Variants in PRDM11 observed in about 807,000 individuals in gnomAD.
PRDM11 encodes PR domain-containing protein 11.
PRDM11 carries 20 observed loss-of-function variants against 97.8 expected under a neutral mutation model. That is an observed-to-expected ratio of 0.20 (90% CI 0.14 to 0.30). PRDM11 has a LOEUF of 0.30. Among genes scored for constraint, PRDM11 ranks in the 10% least tolerant of loss-of-function variants. The probability of loss-of-function intolerance (pLI) is 1.00; values close to 1 mark genes in which losing one functional copy is unlikely to be tolerated. For synonymous variants in PRDM11, 599 were observed against 637.7 expected, an observed-to-expected ratio of 0.94 and a Z score of 0.91; for missense variants, 1,139 against 1,555.2, an observed-to-expected ratio of 0.73 and a Z score of 4.50.
intron 1 of PRDM11, among the ~76,000 whole-genome samples, chr11:45,170,615 C>CTG (rs57885338): frequency 0.91 from 137,994 of 152,132 alleles, 63,442 homozygotes; most frequent in Non-Finnish European, 0.98. Flanking sequence ...GTGGAACAAA[C>CTG]TGTCAGGCCA....
intron 5 of PRDM11, among the ~76,000 whole-genome samples, chr11:45,218,265 G>C (rs1854014704): frequency 6.6e-6 from 1 of 152,034 alleles, no homozygotes; most frequent in African/African-American, 2.4e-5. Context: ...GAGCCATATT[G>C]CCAAATTGTT....
rs558562362 is a variant in PRDM11 at position 45,111,601 on chromosome 11, T to A, written c.96+15700T>A. On this transcript the variant is annotated intron_variant, in intron 1 of 6. Coordinates refer to the PRDM11 transcript ENST00000530656. ...ATGAGGTGACCAGTAGAAGGTATGG[T>A]TCCTCCCACATCCACAATAACAGGG... Among the ~76,000 whole-genome samples the A allele has an allele frequency of 1.8e-3, 274 of 152,196 alleles. 2 individuals are homozygous for A. The highest frequency in any genetic ancestry group is 2.7e-3 in the Non-Finnish European group (184 of 68,008).
intron 1 of PRDM11, among the ~76,000 whole-genome samples, chr11:45,116,843 G>A (rs1852313640): frequency 6.6e-6 from 1 of 152,128 alleles, no homozygotes; most frequent in Non-Finnish European, 1.5e-5. Context: ...TGTAGCTCTA[G>A]AAAGTAGGGA....
chr11:45,155,237 A>G (rs1348192046), intron 1 of PRDM11, among the ~76,000 whole-genome samples: 2 of 152,230 alleles, frequency 1.3e-5, no homozygotes, highest in Non-Finnish European at 2.9e-5. Flanking sequence ...CCCAAGGGAA[A>G]GGGGTGAGGG....
chr11:45,175,558 C>G (rs576465895), intron 1 of PRDM11, among the ~76,000 whole-genome samples: 2 of 152,164 alleles, frequency 1.3e-5, no homozygotes, highest in Non-Finnish European at 2.9e-5. Flanking sequence ...ATAGCAATTT[C>G]CCCCATTTTG....
At chr11:45,119,503 G>C (rs930421036) in intron 1 of PRDM11, among the ~76,000 whole-genome samples, 1 of 151,674 alleles carries the variant, frequency 6.6e-6, no homozygotes. Flanking sequence ...GGTGGAGGGC[G>C]CCTGTAGTCC....
intron 1 of PRDM11, among the ~76,000 whole-genome samples, chr11:45,124,626 T>C (rs1052857221): frequency 3.3e-5 from 5 of 152,242 alleles, no homozygotes; most frequent in African/African-American, 1.2e-4. Flanking sequence ...GTTCTGTTTA[T>C]ATGCTGGATT....
rs1554976394 is a variant in PRDM11 at position 45,228,265 on chromosome 11, T to TTATATTATATTATA, written c.*111_*112insTATATTATATATAT. The TTATATTATATTATA allele has an allele frequency of 1.7e-5, 2 of 118,830 alleles. No homozygotes were observed. Among genetic ancestry groups the TTATATTATATTATA allele is most frequent in the Non-Finnish European group, 2.8e-5 (2 of 71,090 alleles). 7.4% of individuals were successfully genotyped at this position (118,830 alleles called of 1,614,324 possible). ...ATATATTATATTATATTATATTATA[T>TTATATTATATTATA]TATATATATATATATATATAAACTC... On this transcript the variant is annotated 3_prime_UTR_variant, in exon 8 of 8. Transcript: ENST00000683152.
At chr11:45,148,926 A>G (rs919785839) in intron 1 of PRDM11, among the ~76,000 whole-genome samples, 1 of 151,966 alleles carries the variant, frequency 6.6e-6, no homozygotes, top group Admixed American at 6.5e-5. Flanking sequence ...AGGTGTCCAT[A>G]ATCTTCCTCT....
intron 1 of PRDM11, among the ~76,000 whole-genome samples, chr11:45,154,303 C>T (rs1851734533): frequency 6.6e-6 from 1 of 152,170 alleles, no homozygotes; most frequent in African/African-American, 2.4e-5. Context: ...CTGTGATGAG[C>T]TGAGATCGCA....
chr11:45,196,995 A>G (rs1305933348), intron 4 of PRDM11, among the ~76,000 whole-genome samples: 1 of 152,218 alleles, frequency 6.6e-6, no homozygotes, highest in African/African-American at 2.4e-5. Context: ...CCTAGTACTT[A>G]GCATGTGATG....
chr11:45,118,106 A>G lies in PRDM11; in HGVS notation c.96+22205A>G, dbSNP rs539649736. Reference sequence around the variant, plus strand: ...GCCAGAACACCTCAAAACTATCAAGATCATGAAAAAAAGAGAAGGAAAAGA... The same window carrying G: ...GCCAGAACACCTCAAAACTATCAAGGTCATGAAAAAAAGAGAAGGAAAAGA... On this transcript the variant is annotated intron_variant, in intron 1 of 6. Transcript: ENST00000530656. 4.6e-5 allele frequency among the ~76,000 whole-genome samples: 7 copies of G among 152,330 alleles called. No individual in the cohort carries two copies. The South Asian group carries it at 1.4e-3, about 32-fold the overall frequency.
intron 1 of PRDM11, among the ~76,000 whole-genome samples, chr11:45,127,814 C>T (rs758339430): frequency 1.3e-4 from 20 of 152,338 alleles, no homozygotes; most frequent in African/African-American, 3.4e-4. Context: ...ACCCACTTGA[C>T]GAGGCAGTCT....
At chr11:45,118,305 A>G (rs1250288493) in intron 1 of PRDM11, among the ~76,000 whole-genome samples, 1 of 152,224 alleles carries the variant, frequency 6.6e-6, no homozygotes, top group Non-Finnish European at 1.5e-5. Context: ...ATGTATCAAA[A>G]TATTGTTTGA....
intron 2 of PRDM11, 90 bp from the exon 3 acceptor site, chr11:45,182,156 C>G (rs1281664781): frequency 8.6e-7 from 1 of 1,165,810 alleles, no homozygotes; most frequent in Non-Finnish European, 1.2e-6. Context: ...TCTTCTCGGT[C>G]TCCTGGCCAG....
intron 5 of PRDM11, among the ~76,000 whole-genome samples, chr11:45,207,559 A>G (rs1853563182): frequency 1.3e-5 from 2 of 152,180 alleles, no homozygotes; most frequent in South Asian, 2.1e-4. Flanking sequence ...TCTAGCCCCA[A>G]CTGCCAATAG....
rs1447739721 is a variant in PRDM11 at position 45,219,850 on chromosome 11, C to G, written c.742+93C>G. The G allele has an allele frequency of 1.4e-6, 2 of 1,384,280 alleles. No homozygotes were observed. The highest frequency in any genetic ancestry group is 2.9e-5 in the African/African-American group (2 of 69,210). 85.7% of individuals were successfully genotyped at this position (1,384,280 alleles called of 1,614,324 possible). On this transcript the variant is annotated intron_variant, in intron 6 of 7. Transcript: ENST00000683152. This position sits in a 1 kb window ranked among gnomAD's most constrained non-coding sequence, Gnocchi z 4.2. The stretch of plus-strand genomic sequence containing the variant: ...TTGGAGCTTCCTGAGAAATACGGTT[C>G]CCAGCAATGGGAAGACCCAGAGTGA...
chr11:45,197,927 G>A (rs982814295), intron 4 of PRDM11, among the ~76,000 whole-genome samples: 10 of 152,084 alleles, frequency 6.6e-5, no homozygotes, highest in South Asian at 6.2e-4. Flanking sequence ...TGTAAATGAC[G>A]AGTTAACGGG....
intron 1 of PRDM11, among the ~76,000 whole-genome samples, chr11:45,130,565 G>A (rs961365925): frequency 1.3e-5 from 2 of 152,060 alleles, no homozygotes; most frequent in East Asian, 1.9e-4. Context: ...ATTAAGTGTT[G>A]GCAAGAACGT....
Sources: gnomAD v4.1 joint callset for allele counts (sites outside exome capture counted in the v4.1 genomes callset) on GRCh38, gnomAD v4.1.1 for gene constraint, Gnocchi (gnomAD v3.1) non-coding constraint, MANE v1.5 for transcripts, NCBI Gene and HGNC (gene_info 2026-07-23, HGNC 2026-07-21) for gene names.